CD99L2: variants seen among roughly 807,000 people sequenced by gnomAD.
The protein encoded by CD99L2 is CD99 antigen-like protein 2.
CD99L2 carries 24 observed loss-of-function variants against 27.3 expected under a neutral mutation model. That is an observed-to-expected ratio of 0.88 (90% CI 0.64 to 1.24). The LOEUF is 1.24. Ranked by LOEUF, CD99L2 falls within the 50% of genes most tolerant of loss-of-function variation. CD99L2 has a pLI of 0.00. For synonymous variants in CD99L2, 97 were observed against 87.9 expected (o/e 1.10, Z -0.58); for missense variants, 255 against 221.6 (o/e 1.15, Z -0.96).
chrX:150,794,836 T>A (rs1439440978), intron 6 of CD99L2, among the ~76,000 whole-genome samples: 1 of 112,282 alleles, frequency 8.9e-6, no homozygotes, highest in East Asian at 2.8e-4. Flanking sequence ...ATGAGAGAAA[T>A]CTGCAAAAAT....
Position 150,888,565 on chromosome X carries a change from G to A in CD99L2, c.67+9957C>T, listed in dbSNP as rs782644075. Among the ~76,000 whole-genome samples the A allele has an allele frequency of 8.9e-5, 10 of 112,301 alleles. No individual in the cohort carries two copies. In the East Asian group the frequency reaches 2.8e-3, roughly 31 times the overall value. On this transcript the variant is annotated intron_variant, in intron 1 of 10. Transcript: ENST00000370377. The stretch of plus-strand genomic sequence containing the variant: ...TGATCACACAAAAAAAGTATTTAAT[G>A]CCACTGAACTGTGTGCCTTAAAATG...
intron 1 of CD99L2, among the ~76,000 whole-genome samples, chrX:150,864,523 TG>T (rs781831087): frequency 8.9e-6 from 1 of 112,249 alleles, no homozygotes; most frequent in South Asian, 3.7e-4. Flanking sequence ...ACTTGGGGTG[TG>T]CCCCATGATG....
At chrX:150,769,221 C>G in intron 10 of CD99L2, 120 bp from the exon 11 acceptor site, 1 of 834,700 alleles carries the variant, frequency 1.2e-6, no homozygotes, top group East Asian at 3.9e-5. Flanking sequence ...CCTGGGGGGC[C>G]GCTTAGCAAC....
chrX:150,800,829 C>T (rs1396038028), intron 4 of CD99L2, among the ~76,000 whole-genome samples: 2 of 110,848 alleles, frequency 1.8e-5, no homozygotes, highest in South Asian at 3.8e-4. Context: ...GTCAGGAGTT[C>T]GAGATCAGCC....
At chrX:150,876,493 A>G (rs1355476856) in intron 1 of CD99L2, among the ~76,000 whole-genome samples, 1 of 112,576 alleles carries the variant, frequency 8.9e-6, no homozygotes, top group Admixed American at 9.4e-5. Flanking sequence ...AAAGCTTTAT[A>G]CAGCTCCATT....
At chrX:150,865,736 T>C (rs1215374304) in intron 1 of CD99L2, among the ~76,000 whole-genome samples, 4 of 111,962 alleles carry the variant, frequency 3.6e-5, no homozygotes, top group Middle Eastern at 4.2e-3. Context: ...AATGGAATCA[T>C]TGAGTCACCT....
At chrX:150,795,341 A>G in intron 5 of CD99L2, 52 bp from the exon 6 acceptor site, 1 of 1,205,964 alleles carries the variant, frequency 8.3e-7, no homozygotes, top group Non-Finnish European at 1.1e-6. Context: ...ATCTATGGGT[A>G]GCTCATTTGG....
In CD99L2 at chrX:150,767,182, T is replaced by TC. The variant is rs2043326762; in HGVS notation, c.*1851dup. 1 of 111,765 alleles carries TC rather than the reference T, an allele frequency of 8.9e-6. No individual in the cohort carries two copies. The highest frequency in any genetic ancestry group is 3.3e-5 in the African/African-American group (1 of 30,669). 9.2% of individuals were successfully genotyped at this position (111,765 alleles called of 1,213,427 possible). A position where few individuals can be genotyped will look rare whatever the true frequency, so the allele number is the denominator to read the frequency against. On this transcript the variant is annotated 3_prime_UTR_variant, in exon 11 of 11. Transcript: ENST00000370377. Reference sequence around the variant, plus strand: ...CCAGCCAGAGGGTGGGGCCATCGGTTCTCGACATACTTGGTATCAGGGAGG... The same window carrying TC: ...CCAGCCAGAGGGTGGGGCCATCGGTTCCTCGACATACTTGGTATCAGGGAGG...
At chrX:150,842,113 AC>A (rs1389137034) in intron 1 of CD99L2, among the ~76,000 whole-genome samples, 1 of 112,052 alleles carries the variant, frequency 8.9e-6, no homozygotes, top group Non-Finnish European at 1.9e-5. Flanking sequence ...GCAGAAAATT[AC>A]TTCCACCGCA....
rs147156476 is a variant in CD99L2, at chrX:150,770,350, G to A, written c.675C>T (p.Tyr225=). 81 of 1,209,841 alleles carry A rather than the reference G, an allele frequency of 6.7e-5. No homozygotes were observed. Among genetic ancestry groups the A allele is most frequent in the Middle Eastern group, 2.3e-4 (1 of 4,369 alleles). The part of the protein sequence containing the change: ...FSIQQGLNAD[Y]VKGENLEAVV... ...CGGCTTCCAGGTTCTCTCCCTTCACGTAGTCTGCGTTGAGACCCTCTGCAA... is the reference window on the plus strand; with the variant it reads ...CGGCTTCCAGGTTCTCTCCCTTCACATAGTCTGCGTTGAGACCCTCTGCAA... The change falls in exon 10 of 11, where the codon TAC becomes TAT. Residue 225 remains tyrosine, a synonymous_variant. Coordinates refer to ENST00000370377, the MANE Select transcript of CD99L2 (RefSeq NM_031462.4).
chrX:150,771,660 A>G, intron 9 of CD99L2: 1 of 624,197 alleles, frequency 1.6e-6, no homozygotes. Context: ...AGGGTAAGCT[A>G]AAGATGGTCC....
chrX:150,880,430 T>C (rs143961085), intron 1 of CD99L2, among the ~76,000 whole-genome samples: 1 of 111,834 alleles, frequency 8.9e-6, no homozygotes, highest in Non-Finnish European at 1.9e-5. Context: ...TCACGCTAAG[T>C]AAAAGAAGCC....
intron 1 of CD99L2, among the ~76,000 whole-genome samples, chrX:150,837,478 G>A (rs1181389351): frequency 9.0e-6 from 1 of 111,277 alleles, no homozygotes; most frequent in Non-Finnish European, 1.9e-5. Context: ...TCGAACTCCT[G>A]ACCTCTAGTG....
intron 1 of CD99L2, among the ~76,000 whole-genome samples, chrX:150,832,820 C>T (rs782591980): frequency 2.1e-4 from 23 of 111,014 alleles, no homozygotes; most frequent in African/African-American, 5.2e-4. Flanking sequence ...GAGGCCGAGG[C>T]GGGCAGATCA....
intron 1 of CD99L2, among the ~76,000 whole-genome samples, chrX:150,897,739 T>C (rs1258810980): frequency 8.9e-6 from 1 of 111,894 alleles, no homozygotes; most frequent in African/African-American, 3.3e-5. Flanking sequence ...AACCACAGAC[T>C]GCATTTATTC....
intron 1 of CD99L2, among the ~76,000 whole-genome samples, chrX:150,860,366 T>G (rs1557421878): frequency 8.9e-6 from 1 of 112,167 alleles, no homozygotes; most frequent in Non-Finnish European, 1.9e-5. Context: ...AACATCATAT[T>G]GAACGAGGAA....
intron 1 of CD99L2, among the ~76,000 whole-genome samples, chrX:150,862,130 T>C (rs1162709752): frequency 8.9e-6 from 1 of 111,911 alleles, no homozygotes; most frequent in Non-Finnish European, 1.9e-5. Flanking sequence ...ATTATGTTTA[T>C]ATTTAAAAGC....
rs2046128801 is a variant in CD99L2, at chrX:150,814,874, T to C, written c.265A>G (p.Ile89Val). 8.3e-7 allele frequency: 1 copy of C among 1,207,947 alleles called. No individual in the cohort carries two copies. Among genetic ancestry groups the C allele is most frequent in the African/African-American group, 1.8e-5 (1 of 57,113 alleles). The change falls in exon 4 of 11, where the codon ATA becomes GTA. Residue 89 changes from isoleucine to valine, a missense_variant. Transcript: ENST00000370377. Reference sequence around the variant, plus strand: ...AGCAAAGACTTACCTCTTCCTCCTATACCCGGTTTCCTGCGGCCATCATCT... The same window carrying C: ...AGCAAAGACTTACCTCTTCCTCCTACACCCGGTTTCCTGCGGCCATCATCT... ...DQDDGRRKPGIGGRERWNHVT... is the reference protein window; with the variant it reads ...DQDDGRRKPGVGGRERWNHVT...
chrX:150,897,836 G>A (rs2047636162), intron 1 of CD99L2, among the ~76,000 whole-genome samples: 1 of 110,921 alleles, frequency 9.0e-6, no homozygotes. Context: ...TAGGTCGGGG[G>A]CGGGGCGTGA....
Sources: allele counts gnomAD v4.1 joint callset (sites outside exome capture counted in the v4.1 genomes callset), GRCh38; gene constraint gnomAD v4.1.1; transcripts MANE v1.5; gene names NCBI Gene and HGNC (gene_info 2026-07-23, HGNC 2026-07-21).